IMMP2L: variants seen among roughly 807,000 people sequenced by gnomAD.
IMMP2L encodes mitochondrial inner membrane protease subunit 2.
IMMP2L carries 18 observed loss-of-function variants against 19.3 expected under a neutral mutation model. That is an observed-to-expected ratio of 0.93 (90% confidence interval 0.64 to 1.38). The LOEUF (loss-of-function observed/expected upper bound fraction) is 1.38, where lower values mean the gene tolerates loss of function less well. IMMP2L is among the 40% of genes most tolerant of loss of function. The pLI is 0.00. For missense variants in IMMP2L, 233 were observed against 218.2 expected, an observed-to-expected ratio of 1.07 and a Z score of -0.43; for synonymous variants, 76 against 73.0, an observed-to-expected ratio of 1.04 and a Z score of -0.21.
intron 3 of IMMP2L, among the ~76,000 whole-genome samples, chr7:111,306,606 CTGTGTGTG>C (rs71147473): frequency 0.096 from 12,996 of 136,068 alleles, 661 homozygotes; most frequent in South Asian, 0.14. Context: ...TCACTGGACT[CTGTGTGTG>C]TGTGTGTGTG....
intron 3 of IMMP2L, among the ~76,000 whole-genome samples, chr7:111,287,911 C>T (rs958139268): frequency 6.6e-6 from 1 of 152,116 alleles, no homozygotes; most frequent in African/African-American, 2.4e-5. Flanking sequence ...TTTAATCTTG[C>T]TTCATAAAGC....
chr7:110,981,620 CT>C (rs1437199817), intron 3 of IMMP2L, among the ~76,000 whole-genome samples: 1 of 151,680 alleles, frequency 6.6e-6, no homozygotes, highest in African/African-American at 2.4e-5. Flanking sequence ...GAAGTGACTC[CT>C]TTTTAAGATT....
At chr7:110,733,992 A>T (rs1182439155) in intron 5 of IMMP2L, among the ~76,000 whole-genome samples, 1 of 152,144 alleles carries the variant, frequency 6.6e-6, no homozygotes, top group East Asian at 1.9e-4. Flanking sequence ...CCCAATCTAA[A>T]GTATTTTGTT....
intron 3 of IMMP2L, among the ~76,000 whole-genome samples, chr7:111,236,525 A>C (rs1814331780): frequency 6.6e-6 from 1 of 152,118 alleles, no homozygotes. Flanking sequence ...AAATTCTGAA[A>C]ACTATTCCCT....
intron 3 of IMMP2L, among the ~76,000 whole-genome samples, chr7:111,243,615 A>C (rs1186031592): frequency 6.4e-5 from 8 of 124,484 alleles, no homozygotes; most frequent in South Asian, 3.0e-4. Flanking sequence ...CGCTGCACCC[A>C]CTAATGTGTC....
intron 3 of IMMP2L, among the ~76,000 whole-genome samples, chr7:111,015,542 T>C (rs952481121): frequency 1.3e-5 from 2 of 152,016 alleles, no homozygotes; most frequent in Non-Finnish European, 2.9e-5. Context: ...GTTAAGAGGG[T>C]AAATTTTGCT....
At chr7:110,942,470 T>G (rs567144204) in intron 4 of IMMP2L, among the ~76,000 whole-genome samples, 1 of 152,032 alleles carries the variant, frequency 6.6e-6, no homozygotes, top group East Asian at 1.9e-4. Flanking sequence ...TTAATTAAAG[T>G]TTAACTGCTG....
At chr7:110,971,125 A>C (rs1217881354) in intron 3 of IMMP2L, among the ~76,000 whole-genome samples, 1 of 152,114 alleles carries the variant, frequency 6.6e-6, no homozygotes, top group African/African-American at 2.4e-5. Context: ...GTCAATGTCC[A>C]TGCAAAATAT....
intron 3 of IMMP2L, among the ~76,000 whole-genome samples, chr7:111,142,504 A>G (rs1332076286): frequency 6.6e-6 from 1 of 152,146 alleles, no homozygotes; most frequent in African/African-American, 2.4e-5. Context: ...TAATCAGAAA[A>G]AGTGCAACAA....
intron 3 of IMMP2L, among the ~76,000 whole-genome samples, chr7:111,167,947 G>A (rs117328933): frequency 1.4e-3 from 210 of 151,830 alleles, no homozygotes; most frequent in Non-Finnish European, 2.1e-3. Context: ...GCAGATCTCT[G>A]CCTACCAACC....
intron 3 of IMMP2L, among the ~76,000 whole-genome samples, chr7:111,359,598 G>A (rs188985322): frequency 6.6e-4 from 101 of 151,944 alleles, no homozygotes; most frequent in Middle Eastern, 3.4e-3. Flanking sequence ...CACCGTGCCC[G>A]GCCTCTCCAG....
At chr7:111,167,551 A>G (rs1805960762) in intron 3 of IMMP2L, among the ~76,000 whole-genome samples, 1 of 151,938 alleles carries the variant, frequency 6.6e-6, no homozygotes, top group African/African-American at 2.4e-5. Context: ...AACTGAAATC[A>G]TATTACCCCA....
At chr7:111,102,722 C>T (rs773664498) in intron 3 of IMMP2L, among the ~76,000 whole-genome samples, 43 of 151,598 alleles carry the variant, frequency 2.8e-4, no homozygotes, top group Middle Eastern at 3.4e-3. Flanking sequence ...CCAGCTTCTT[C>T]GTGCTATTCT....
intron 3 of IMMP2L, among the ~76,000 whole-genome samples, chr7:111,426,805 G>A (rs912078456): frequency 2.6e-5 from 4 of 151,036 alleles, no homozygotes; most frequent in Admixed American, 6.6e-5. Context: ...CATGCTTAAC[G>A]TGAAGGTTAT....
Position 110,791,057 on chromosome 7 carries a change from T to C in IMMP2L, c.408+95536A>G, listed in dbSNP as rs547092718. Among the ~76,000 whole-genome samples, 84 of 151,576 alleles carry C rather than the reference T, an allele frequency of 5.5e-4. 2 individuals carry two copies. The highest frequency in any genetic ancestry group is 2.0e-3 in the African/African-American group (81 of 41,034). On this transcript the variant is annotated intron_variant, in intron 5 of 5. Transcript: ENST00000405709. ...ACACAAACTTCTGCCCATGAAAACA[T>C]AGCTCTTCATAACATTTACAGATAC...
chr7:110,771,735 T>C (rs2131025188), intron 5 of IMMP2L, among the ~76,000 whole-genome samples: 1 of 152,282 alleles, frequency 6.6e-6, no homozygotes, highest in South Asian at 2.1e-4. Flanking sequence ...AAGACTCCTA[T>C]AACACAGAAT....
intron 3 of IMMP2L, among the ~76,000 whole-genome samples, chr7:111,350,299 T>A (rs1828018492): frequency 6.6e-6 from 1 of 151,842 alleles, no homozygotes; most frequent in South Asian, 2.1e-4. Context: ...ATCCTGATGT[T>A]AACTATTAAA....
intron 1 of IMMP2L, among the ~76,000 whole-genome samples, chr7:111,554,389 G>C (rs1051294687): frequency 5.3e-5 from 8 of 152,004 alleles, no homozygotes; most frequent in Non-Finnish European, 1.2e-4. Context: ...GGGAAGATGA[G>C]AAACCCAAGC....
chr7:110,667,213 AT>A (rs1482411598), intron 5 of IMMP2L, among the ~76,000 whole-genome samples: 1 of 152,088 alleles, frequency 6.6e-6, no homozygotes, highest in Non-Finnish European at 1.5e-5. Flanking sequence ...TTATGTTACC[AT>A]TTGATATAGA....
Sources: allele counts gnomAD v4.1 joint callset (sites outside exome capture counted in the v4.1 genomes callset), GRCh38; gene constraint gnomAD v4.1.1; transcripts MANE v1.5; gene names NCBI Gene and HGNC (gene_info 2026-07-23, HGNC 2026-07-21).